Variants in GREM2 observed in about 807,000 individuals in gnomAD.
GREM2 encodes the protein gremlin-2.
GREM2 carries 11 observed loss-of-function variants against 14.2 expected under a neutral mutation model. The observed-to-expected ratio is 0.78, with a 90% CI of 0.49 to 1.28. The LOEUF (loss-of-function observed/expected upper bound fraction) is 1.28. GREM2 is among the 50% of genes most tolerant of loss of function. GREM2 has a pLI of 0.00. For missense variants in GREM2, 210 were observed against 218.5 expected (o/e 0.96, Z 0.24); for synonymous variants, 98 against 97.6 (o/e 1.00, Z -0.02).
intron 1 of GREM2, among the ~76,000 whole-genome samples, chr1:240,585,563 C>T (rs1679581078): frequency 6.6e-6 from 1 of 151,700 alleles, no homozygotes; most frequent in South Asian, 2.1e-4. Context: ...AACCCCATCT[C>T]TACTATACAC....
At chr1:240,510,858 T>C (rs1204803774) in intron 1 of GREM2, among the ~76,000 whole-genome samples, 1 of 152,218 alleles carries the variant, frequency 6.6e-6, no homozygotes, top group African/African-American at 2.4e-5. Flanking sequence ...GCATTAGGTA[T>C]GAACCAAGGT....
chr1:240,551,031 C>T (rs560591269), intron 1 of GREM2, among the ~76,000 whole-genome samples: 12 of 152,292 alleles, frequency 7.9e-5, no homozygotes, highest in Middle Eastern at 3.4e-3. Context: ...AGTTTTCTAT[C>T]CTGGGCTAAA....
Position 240,560,619 on chromosome 1 carries a change from G to T in GREM2, c.-2+51265C>A, listed in dbSNP as rs530036601. 7.2e-5 allele frequency among the ~76,000 whole-genome samples: 11 copies of T among 152,218 alleles called. No individual in the cohort carries two copies. In the South Asian group the frequency reaches 2.3e-3, roughly 32 times the overall value. ...AACAAGGCAAGAGGTGAACCCTCGA[G>T]AAACAAATTAAAATTTCTTTATTGA... On this transcript the variant is annotated intron_variant, in intron 1 of 1. Transcript: ENST00000318160.
chr1:240,524,055 C>A lies in GREM2; in HGVS notation c.-1-30579G>T, dbSNP rs75781990. ...AAGAGACAGAATCTTGCTCTGTCAC[C>A]CAGGTTGGAGTGCAGTGATGTAATA... On this transcript the variant is annotated intron_variant, in intron 1 of 1. Transcript: ENST00000318160. Among the ~76,000 whole-genome samples the A allele has an allele frequency of 2.8e-4, 43 of 152,134 alleles. No homozygotes were observed. In the East Asian group the frequency reaches 8.1e-3, roughly 29 times the overall value.
chr1:240,574,554 A>G (rs1679322970), intron 1 of GREM2, among the ~76,000 whole-genome samples: 1 of 152,162 alleles, frequency 6.6e-6, no homozygotes, highest in South Asian at 2.1e-4. Flanking sequence ...AAAGAAGAGG[A>G]ATATCAGGCA....
intron 1 of GREM2, among the ~76,000 whole-genome samples, chr1:240,528,697 A>T (rs1424566952): frequency 6.6e-6 from 1 of 152,162 alleles, no homozygotes; most frequent in South Asian, 2.1e-4. Context: ...CGGCCCCTCC[A>T]GTGCAGGTCC....
intron 1 of GREM2, among the ~76,000 whole-genome samples, chr1:240,514,810 G>A (rs756078992): frequency 7.2e-5 from 11 of 152,140 alleles, no homozygotes; most frequent in Non-Finnish European, 1.5e-4. Context: ...CGAGGCAGAA[G>A]GATAGTTTGA....
At chr1:240,557,473 A>G (rs1222041215) in intron 1 of GREM2, among the ~76,000 whole-genome samples, 2 of 152,154 alleles carry the variant, frequency 1.3e-5, no homozygotes, top group Non-Finnish European at 2.9e-5. Flanking sequence ...TGAAAACAGC[A>G]TTGGTCCTCT....
At chr1:240,607,746 G>A (rs956904879) in intron 1 of GREM2, among the ~76,000 whole-genome samples, 21 of 152,204 alleles carry the variant, frequency 1.4e-4, no homozygotes, top group Non-Finnish European at 2.5e-4. Context: ...ATCCACTCCT[G>A]TGGATCTGAA....
intron 1 of GREM2, among the ~76,000 whole-genome samples, chr1:240,497,141 G>A (rs1292596648): frequency 2.0e-5 from 3 of 152,184 alleles, no homozygotes; most frequent in African/African-American, 4.8e-5. Context: ...TATTTAGGAA[G>A]AATGGCCTGG....
chr1:240,602,149 G>A (rs1001116778), intron 1 of GREM2, among the ~76,000 whole-genome samples: 1 of 152,094 alleles, frequency 6.6e-6, no homozygotes, highest in African/African-American at 2.4e-5. Flanking sequence ...TGCCTCCCTA[G>A]AAATTTTCAG....
At chr1:240,497,895 C>T (rs1677467556) in intron 1 of GREM2, among the ~76,000 whole-genome samples, 1 of 152,086 alleles carries the variant, frequency 6.6e-6, no homozygotes, top group Admixed American at 6.5e-5. Flanking sequence ...ATTTTGGTTC[C>T]ATTTTAATAA....
At chr1:240,593,890 C>T (rs1046410949) in intron 1 of GREM2, among the ~76,000 whole-genome samples, 3 of 151,810 alleles carry the variant, frequency 2.0e-5, no homozygotes, top group African/African-American at 7.3e-5. Flanking sequence ...CAGTGTTAAT[C>T]GCACCCTCTT....
chr1:240,569,257 T>G (rs1304049160), intron 1 of GREM2, among the ~76,000 whole-genome samples: 1 of 152,186 alleles, frequency 6.6e-6, no homozygotes. Flanking sequence ...CACTCAGGAT[T>G]ATTAAGATAC....
chr1:240,593,877 T>A (rs1475807210), intron 1 of GREM2, among the ~76,000 whole-genome samples: 2 of 151,974 alleles, frequency 1.3e-5, no homozygotes, highest in African/African-American at 2.4e-5. Flanking sequence ...CTGCTTGCTA[T>A]CCCAGTGTTA....
chr1:240,495,032 A>T (rs1345182133), intron 1 of GREM2, among the ~76,000 whole-genome samples: 2 of 152,276 alleles, frequency 1.3e-5, no homozygotes, highest in African/African-American at 4.8e-5. Flanking sequence ...AGAATTGGAC[A>T]GAAATTATTC....
chr1:240,569,773 C>T (rs1173334346), intron 1 of GREM2, among the ~76,000 whole-genome samples: 1 of 152,120 alleles, frequency 6.6e-6, no homozygotes, highest in African/African-American at 2.4e-5. Flanking sequence ...AGGTTTGCGA[C>T]CCTGTGTTAG....
At chr1:240,531,486 G>C (rs1213160523) in intron 1 of GREM2, 1 of 231,468 alleles carries the variant, frequency 4.3e-6, no homozygotes, top group Non-Finnish European at 7.1e-6. Flanking sequence ...ATTTTAATCA[G>C]ATTTGTATGT....
chr1:240,559,246 T>C (rs1041342611), intron 1 of GREM2, among the ~76,000 whole-genome samples: 1 of 152,094 alleles, frequency 6.6e-6, no homozygotes, highest in Admixed American at 6.6e-5. Flanking sequence ...GCTTAATGAA[T>C]TGTGCAGATG....
Sources: gnomAD v4.1 joint callset for allele counts (sites outside exome capture counted in the v4.1 genomes callset) on GRCh38, gnomAD v4.1.1 for gene constraint, MANE v1.5 for transcripts, NCBI Gene and HGNC (gene_info 2026-07-23, HGNC 2026-07-21) for gene names.